Variants in ARHGEF40 observed in about 807,000 individuals in gnomAD.
ARHGEF40 encodes the protein Rho guanine nucleotide exchange factor 40.
Under a neutral mutation model 165.9 loss-of-function variants are expected in ARHGEF40, and 98 were observed. The observed-to-expected ratio is 0.59, with a 90% CI of 0.50 to 0.70. The LOEUF (loss-of-function observed/expected upper bound fraction) is 0.70, where lower values mean the gene tolerates loss of function less well. Ranked by LOEUF, ARHGEF40 falls within the 30% of genes least tolerant of loss-of-function variation. ARHGEF40 has a pLI of 0.00. For missense variants in ARHGEF40, 1,815 were observed against 1,968.0 expected (o/e 0.92, Z 1.47); for synonymous variants, 792 against 814.3 (o/e 0.97, Z 0.47).
At position 21,073,040 on chromosome 14, in the gene ARHGEF40, T is replaced by C. The variant is rs1380809596; in HGVS notation, c.4-5T>C. 6.2e-7 allele frequency: 1 copy of C among 1,613,376 alleles called. No homozygotes were observed. The highest frequency in any genetic ancestry group is 1.3e-5 in the African/African-American group (1 of 75,024). ...GGGATCTGTAGCCTGGTCCTATCTC[T>C]ACAGGAGCCTGAGCCAGTGGAGGAC... On this transcript the variant is annotated splice_region_variant and splice_polypyrimidine_tract_variant and intron_variant, in intron 1 of 23. Coordinates refer to ENST00000298694, the MANE Select transcript of ARHGEF40 (RefSeq NM_018071.5). The surrounding 1 kb of genome is among the most constrained non-coding windows in gnomAD (Gnocchi z 4.6).
At chr14:21,081,338 C>G (rs747870238) in intron 13 of ARHGEF40, 171 bp from the exon 14 acceptor site, 12 of 988,336 alleles carry the variant, frequency 1.2e-5, no homozygotes, top group Non-Finnish European at 1.8e-5. Flanking sequence ...ATCTCCATAC[C>G]AACTCCGAGT....
chr14:21,076,112 T>C (rs1239503488), intron 5 of ARHGEF40, among the ~76,000 whole-genome samples: 2 of 152,196 alleles, frequency 1.3e-5, no homozygotes, highest in South Asian at 2.1e-4. Flanking sequence ...ACAGAATTCT[T>C]AATTTTCCAG....
upstream of ARHGEF40, among the ~76,000 whole-genome samples, chr14:21,067,255 G>C (rs1243471): frequency 0.93 from 141,303 of 152,108 alleles, 65,741 homozygotes; most frequent in African/African-American, 0.98. Flanking sequence ...TTAACTATTA[G>C]TCTATAACAA....
chr14:21,073,344 C>A lies in ARHGEF40; in HGVS notation c.201+102C>A. ...TGCCCCCACTAACCTAGAGATACAG[C>A]CTCCCTTGAAACCGATCTCTCCAGA... On this transcript the variant is annotated intron_variant, in intron 2 of 23. Coordinates refer to ENST00000298694, the MANE Select transcript of ARHGEF40 (RefSeq NM_018071.5). This position sits in a 1 kb window ranked among gnomAD's most constrained non-coding sequence, Gnocchi z 4.6. 1 of 1,294,206 alleles carries A rather than the reference C, an allele frequency of 7.7e-7. No homozygotes were observed. The highest frequency in any genetic ancestry group is 1.1e-6 in the Non-Finnish European group (1 of 941,728). 80.2% of individuals were successfully genotyped at this position (1,294,206 alleles called of 1,614,324 possible).
Position 21,070,325 on chromosome 14 carries a change from G to A in ARHGEF40, c.-72G>A, listed in dbSNP as rs1003467019. 3 of 1,389,274 alleles carry A rather than the reference G, an allele frequency of 2.2e-6. No individual in the cohort carries two copies. The highest frequency in any genetic ancestry group is 2.8e-6 in the Non-Finnish European group (3 of 1,074,376). 86.1% of individuals were successfully genotyped at this position (1,389,274 alleles called of 1,614,324 possible). ...AGCCAGACCCGGCGAGACACGAGCGGCGGGAGGGAGGCGGTGGCGCGCCCG... is the reference window on the plus strand; with the variant it reads ...AGCCAGACCCGGCGAGACACGAGCGACGGGAGGGAGGCGGTGGCGCGCCCG... On this transcript the variant is annotated 5_prime_UTR_variant, in exon 1 of 24. Transcript: ENST00000298694. This position sits in a 1 kb window ranked among gnomAD's most constrained non-coding sequence, Gnocchi z 4.7.
intron 13 of ARHGEF40, chr14:21,081,250 C>A: frequency 1.3e-6 from 1 of 794,186 alleles, no homozygotes; most frequent in Non-Finnish European, 1.9e-6. Context: ...CGAGGCAATA[C>A]ATAAAAGCCC....
Position 21,070,868 on chromosome 14 carries a change from G to A in ARHGEF40, c.3+469G>A. On this transcript the variant is annotated intron_variant, in intron 1 of 23. Transcript: ENST00000298694. The surrounding 1 kb of genome is among the most constrained non-coding windows in gnomAD (Gnocchi z 4.7). The stretch of plus-strand genomic sequence containing the variant: ...ATTTTCCATCCCTGTCCCCAACCCG[G>A]TGAGGCAGGCCCACCCATCCGGCCC... 1 of 1,535,664 alleles carries A rather than the reference G, an allele frequency of 6.5e-7. No individual in the cohort carries two copies. The highest frequency in any genetic ancestry group is 8.7e-7 in the Non-Finnish European group (1 of 1,146,862).
chr14:21,064,517 G>T, the ARHGEF40 span, among the ~76,000 whole-genome samples: 28 of 152,106 alleles, frequency 1.8e-4, no homozygotes, highest in Non-Finnish European at 4.1e-4. Context: ...GGCCAGGCTC[G>T]TCTTGAACTC....
intron 15 of ARHGEF40, 82 bp downstream of exon 15, chr14:21,082,560 C>T: frequency 1.4e-6 from 2 of 1,402,882 alleles, no homozygotes; most frequent in Non-Finnish European, 1.9e-6. Context: ...TCTCAGTACC[C>T]ACGGCCCTCT....
rs181810196 is a variant in ARHGEF40, at chr14:21,074,893, G to A, written c.1163G>A (p.Arg388Gln). 59 of 1,610,524 alleles carry A rather than the reference G, an allele frequency of 3.7e-5. 1 individual carries two copies. Among genetic ancestry groups the A allele is most frequent in the East Asian group, 4.5e-5 (2 of 44,842 alleles). Reference protein sequence around the residue: ...GNRRKKRAAGRGALSRGGDSA... With the variant: ...GNRRKKRAAGQGALSRGGDSA... ...AGAAGAAAGAAGCGAGCTGCAGGTC[G>A]AGGGGCTCTTAGCCGAGGAGGGGAC... is the stretch of plus-strand genomic sequence containing the variant. Residue 388 changes from arginine to glutamine, a missense_variant, in exon 3 of 24, where the codon CGA becomes CAA. Coordinates refer to ENST00000298694, the MANE Select transcript of ARHGEF40 (RefSeq NM_018071.5). This position sits in a 1 kb window ranked among gnomAD's most constrained non-coding sequence, Gnocchi z 4.8.
At chr14:21,088,684 T>TA in intron 22 of ARHGEF40, 146 bp from the exon 23 acceptor site, 3 of 849,470 alleles carry the variant, frequency 3.5e-6, no homozygotes, top group Non-Finnish European at 5.3e-6. Flanking sequence ...CACCTGTCTC[T>TA]AAAAAAATAA....
At chr14:21,079,212 T>C (rs12881001) in intron 11 of ARHGEF40, among the ~76,000 whole-genome samples, 128,336 of 152,160 alleles carry the variant, frequency 0.84, 54,490 homozygotes, top group Admixed American at 0.9. Context: ...AGCCAGATCT[T>C]CCCCTCCCCA....
In ARHGEF40 at chr14:21,082,039, C is replaced by A; in HGVS notation, c.3171C>A (p.His1057Gln). Residue 1057 changes from histidine to glutamine, a missense_variant, in exon 14 of 24, where the codon CAC becomes CAA. By Grantham distance (24) the His-to-Gln change is conservative. Coordinates refer to ENST00000298694, the MANE Select transcript of ARHGEF40 (RefSeq NM_018071.5). ...VVDRTCSPRE[H>Q]VLLGRARGPD... is the part of the protein sequence containing the mutation. ...ACAGGACGTGCTCACCACGGGAACA[C>A]GTGCTGCTGGGCCGGGCTAGGGGGC... 1 of 1,564,292 alleles carries A rather than the reference C, an allele frequency of 6.4e-7. No homozygotes were observed. The highest frequency in any genetic ancestry group is 1.9e-5 in the Admixed American group (1 of 52,334).
At chr14:21,082,724 G>T in intron 15 of ARHGEF40, 107 bp from the exon 16 acceptor site, 2 of 1,233,584 alleles carry the variant, frequency 1.6e-6, no homozygotes, top group East Asian at 4.7e-5. Context: ...GTGCTCCCTG[G>T]TGACCCATCC....
intron 11 of ARHGEF40, among the ~76,000 whole-genome samples, chr14:21,080,027 G>C (rs1000688099): frequency 6.6e-6 from 1 of 152,090 alleles, no homozygotes; most frequent in Non-Finnish European, 1.5e-5. Flanking sequence ...CTATAAAAGT[G>C]GTTATTGTTG....
chr14:21,064,144 A>G, the ARHGEF40 span, among the ~76,000 whole-genome samples: 1 of 152,222 alleles, frequency 6.6e-6, no homozygotes, highest in Non-Finnish European at 1.5e-5. Context: ...TCCATTTTGT[A>G]AAATATGTCG....
At position 21,073,311 on chromosome 14, in the gene ARHGEF40, C is replaced by A; in HGVS notation, c.201+69C>A. ...TGCCACACTCTACAGACTAGCCAGG[C>A]TGACTAATGCCCCCACTAACCTAGA... On this transcript the variant is annotated intron_variant, in intron 2 of 23. Transcript: ENST00000298694. This position sits in a 1 kb window ranked among gnomAD's most constrained non-coding sequence, Gnocchi z 4.6. 6.7e-7 allele frequency: 1 copy of A among 1,484,006 alleles called. No individual in the cohort carries two copies. Among genetic ancestry groups the A allele is most frequent in the Non-Finnish European group, 9.1e-7 (1 of 1,096,400 alleles). The allele number at this position is 1,484,006 out of a possible 1,614,324, so 91.9% of individuals were successfully genotyped here.
rs778309283 is a variant in ARHGEF40, at chr14:21,081,645, C to T, written c.2777C>T (p.Ala926Val). 1.9e-6 allele frequency: 3 copies of T among 1,608,444 alleles called. No homozygotes were observed. The highest frequency in any genetic ancestry group is 2.2e-5 in the South Asian group (2 of 90,720). The change falls in exon 14 of 24, where the codon GCC (alanine) becomes GTC (valine). Residue 926 changes from alanine (A) to valine (V), a missense_variant. Coordinates refer to ENST00000298694, the MANE Select transcript of ARHGEF40 (RefSeq NM_018071.5). ...AGTFQEMRAL[A>V]LDLGSPAALR... Reference sequence around the variant, plus strand: ...ACCTTCCAGGAGATGCGGGCCCTGGCCCTGGACCTGGGCAGCCCAGCAGCC... The same window carrying T: ...ACCTTCCAGGAGATGCGGGCCCTGGTCCTGGACCTGGGCAGCCCAGCAGCC...
intron 8 of ARHGEF40, among the ~76,000 whole-genome samples, chr14:21,077,365 C>G (rs1025991656): frequency 6.6e-6 from 1 of 151,166 alleles, no homozygotes; most frequent in Admixed American, 6.6e-5. Flanking sequence ...GTGATCCACC[C>G]GTCTCAGCCT....
Sources: gnomAD v4.1 joint callset for allele counts (sites outside exome capture counted in the v4.1 genomes callset) on GRCh38, gnomAD v4.1.1 for gene constraint, Gnocchi (gnomAD v3.1) non-coding constraint, MANE v1.5 for transcripts, NCBI Gene and HGNC (gene_info 2026-07-23, HGNC 2026-07-21) for gene names.